Variants in RAB39A observed in about 807,000 individuals in gnomAD.
RAB39A encodes RAB39A, member RAS oncogene family.
A neutral mutation model predicts 20.9 loss-of-function variants in RAB39A; 17 were observed. The observed-to-expected ratio is 0.81, with a 90% CI of 0.56 to 1.22. The LOEUF (loss-of-function observed/expected upper bound fraction) is 1.22. RAB39A is among the 50% of genes most tolerant of loss of function. The pLI, the probability that RAB39A is intolerant of heterozygous loss-of-function variation, is 0.00. For missense variants in RAB39A, 234 were observed against 270.5 expected (o/e 0.87, Z 0.95); for synonymous variants, 99 against 103.4 (o/e 0.96, Z 0.26).
intron 1 of RAB39A, among the ~76,000 whole-genome samples, chr11:107,929,179 A>G (rs1015126263): frequency 1.3e-5 from 2 of 151,620 alleles, no homozygotes; most frequent in Non-Finnish European, 2.9e-5. Flanking sequence ...TGACCCGACC[A>G]CCCTCCTCCA....
intron 1 of RAB39A, among the ~76,000 whole-genome samples, chr11:107,938,417 G>A (rs1356397303): frequency 6.8e-6 from 1 of 147,582 alleles, no homozygotes; most frequent in Admixed American, 6.9e-5. Flanking sequence ...GTGCACCAGA[G>A]TGCCAAAAGA....
At chr11:107,944,107 A>AT (rs1053832662) in intron 1 of RAB39A, among the ~76,000 whole-genome samples, 18 of 151,720 alleles carry the variant, frequency 1.2e-4, no homozygotes, top group African/African-American at 1.7e-4. Context: ...AAAAAAAAAA[A>AT]AATAATAATA....
At chr11:107,933,842 G>A (rs1348038682) in intron 1 of RAB39A, among the ~76,000 whole-genome samples, 1 of 150,122 alleles carries the variant, frequency 6.7e-6, no homozygotes, top group Non-Finnish European at 1.5e-5. Context: ...TTTTAGTAGA[G>A]ACGAGGTTTC....
At position 107,946,412 on chromosome 11, in the gene RAB39A, G is replaced by A. The variant is rs1447971537; in HGVS notation, c.228-15534G>A. Among the ~76,000 whole-genome samples, 8 of 9,074 alleles carry A rather than the reference G, an allele frequency of 8.8e-4. 1 individual carries two copies. Among genetic ancestry groups the A allele is most frequent in the Non-Finnish European group, 2.3e-3 (7 of 3,100 alleles). The allele number at this position is 9,074 out of a possible 152,430, so 6.0% of individuals were successfully genotyped here. On this transcript the variant is annotated intron_variant, in intron 1 of 1. Coordinates refer to ENST00000320578, the MANE Select transcript of RAB39A (RefSeq NM_017516.3). ...GGTGTATATATGTGTGTGTGTGTGT[G>A]TGTGTGTGTGTGTGTGTGTGTGTGT...
chr11:107,939,882 G>T (rs1367187727), intron 1 of RAB39A, among the ~76,000 whole-genome samples: 1 of 152,166 alleles, frequency 6.6e-6, no homozygotes, highest in East Asian at 1.9e-4. Context: ...AAAAGTTAAA[G>T]ATATGGTTGT....
At chr11:107,938,354 C>A (rs1361186301) in intron 1 of RAB39A, among the ~76,000 whole-genome samples, 1 of 99,108 alleles carries the variant, frequency 1.0e-5, no homozygotes, top group Non-Finnish European at 2.0e-5. Flanking sequence ...AGCAAGACTC[C>A]GTCTCAAAAA....
intron 1 of RAB39A, among the ~76,000 whole-genome samples, chr11:107,954,987 CTTTTTTTTT>C (rs60838211): frequency 3.6e-5 from 2 of 54,860 alleles, no homozygotes; most frequent in Admixed American, 6.8e-4. Flanking sequence ...AGAAAGCATG[CTTTTTTTTT>C]TTTTTTTTTT....
At chr11:107,948,629 T>C (rs891728281) in intron 1 of RAB39A, among the ~76,000 whole-genome samples, 1 of 151,966 alleles carries the variant, frequency 6.6e-6, no homozygotes, top group African/African-American at 2.4e-5. Context: ...GCCTCCCAAG[T>C]AGCTGGGACT....
rs550738545 is a variant in RAB39A, at chr11:107,930,151, T to C, written c.227+1356T>C. Among the ~76,000 whole-genome samples, 10 of 152,324 alleles carry C rather than the reference T, an allele frequency of 6.6e-5. No individual in the cohort carries two copies. In the East Asian group the frequency reaches 1.9e-3, roughly 29 times the overall value. On this transcript the variant is annotated intron_variant, in intron 1 of 1. Transcript: ENST00000320578. ...TTTTCGTGTGTGTGAAGTGGAAAGA[T>C]GGTAAGGCCAGCGCTTCAGAGAGGT...
chr11:107,961,812 C>A, intron 1 of RAB39A, 134 bp from the exon 2 acceptor site: 1 of 752,794 alleles, frequency 1.3e-6, no homozygotes. Context: ...CTTGAGATAC[C>A]TCATATTTTA....
chr11:107,962,275 T>G lies in RAB39A; in HGVS notation c.557T>G (p.Ile186Ser). ...CTTATTAAAAAGGGAGAAATTTGTATTCAGGATGGCTGGGAAGGGGTTAAA... is the reference window on the plus strand; with the variant it reads ...CTTATTAAAAAGGGAGAAATTTGTAGTCAGGATGGCTGGGAAGGGGTTAAA... ...YELIKKGEIC[I>S]QDGWEGVKSG... Residue 186 changes from isoleucine to serine, a missense_variant, in exon 2 of 2, where the codon ATT becomes AGT. By Grantham distance (142) the Ile-to-Ser change is moderately radical. Transcript: ENST00000320578. 6.2e-7 allele frequency: 1 copy of G among 1,613,860 alleles called. No homozygotes were observed. The highest frequency in any genetic ancestry group is 8.5e-7 in the Non-Finnish European group (1 of 1,179,944).
chr11:107,952,829 G>A (rs1861394995), intron 1 of RAB39A, among the ~76,000 whole-genome samples: 1 of 152,224 alleles, frequency 6.6e-6, no homozygotes, highest in Non-Finnish European at 1.5e-5. Context: ...GTTGCAGTGA[G>A]CCGAGATCAC....
At position 107,963,052 on chromosome 11, in the gene RAB39A, C is replaced by T. The variant is rs1034948355; in HGVS notation, c.*680C>T. ...AAAATTAAAAACGGAGGACCGCTCACCAAATGTTTGAAATGTTGCTTTTTT... is the reference window on the plus strand; with the variant it reads ...AAAATTAAAAACGGAGGACCGCTCATCAAATGTTTGAAATGTTGCTTTTTT... On this transcript the variant is annotated 3_prime_UTR_variant, in exon 2 of 2. Transcript: ENST00000320578. 1 of 148,628 alleles carries T rather than the reference C, an allele frequency of 6.7e-6. No homozygotes were observed. Among genetic ancestry groups the T allele is most frequent in the African/African-American group, 2.5e-5 (1 of 40,128 alleles). The allele number at this position is 148,628 out of a possible 1,614,324, so 9.2% of individuals were successfully genotyped here.
chr11:107,948,119 G>GT (rs557367100), intron 1 of RAB39A, among the ~76,000 whole-genome samples: 80 of 152,184 alleles, frequency 5.3e-4, no homozygotes, highest in African/African-American at 1.9e-3. Flanking sequence ...CGTGTGTGCT[G>GT]CAGATACCAA....
At chr11:107,934,752 A>C (rs889999394) in intron 1 of RAB39A, among the ~76,000 whole-genome samples, 1 of 151,406 alleles carries the variant, frequency 6.6e-6, no homozygotes, top group African/African-American at 2.4e-5. Flanking sequence ...ACATGGTGAA[A>C]CCCCCATCTC....
chr11:107,950,050 G>A (rs926720309), intron 1 of RAB39A, among the ~76,000 whole-genome samples: 5 of 151,890 alleles, frequency 3.3e-5, no homozygotes, highest in African/African-American at 9.7e-5. Flanking sequence ...CGTGGTGGCC[G>A]GCCCCTGTAG....
intron 1 of RAB39A, among the ~76,000 whole-genome samples, chr11:107,930,722 G>T (rs1406014974): frequency 6.6e-6 from 1 of 151,924 alleles, no homozygotes; most frequent in Admixed American, 6.6e-5. Flanking sequence ...TGGGCATGGT[G>T]GTGTGTGCCC....
At position 107,962,335 on chromosome 11, in the gene RAB39A, A is replaced by T; in HGVS notation, c.617A>T (p.Glu206Val). ...GTTCCAAATACTGTGCATTCTTCTG[A>T]GGAAGCAGTAAAGCCCAGGAAAGAA... ...GFVPNTVHSSEEAVKPRKECF... is the reference protein window; with the variant it reads ...GFVPNTVHSSVEAVKPRKECF... The change falls in exon 2 of 2, where the codon GAG becomes GTG. Residue 206 changes from glutamate to valine, a missense_variant. Glu to Val is a moderately radical substitution (Grantham distance 121). Coordinates refer to ENST00000320578, the MANE Select transcript of RAB39A (RefSeq NM_017516.3). The T allele has an allele frequency of 1.2e-6, 2 of 1,610,486 alleles. No homozygotes were observed. The highest frequency in any genetic ancestry group is 1.7e-6 in the Non-Finnish European group (2 of 1,177,212).
chr11:107,938,136 G>C (rs776282341), intron 1 of RAB39A, among the ~76,000 whole-genome samples: 6 of 152,064 alleles, frequency 3.9e-5, no homozygotes, highest in Non-Finnish European at 5.9e-5. Context: ...GCCGAGCCGG[G>C]CGGATCACCT....
Sources: gnomAD v4.1 joint callset for allele counts (sites outside exome capture counted in the v4.1 genomes callset) on GRCh38, gnomAD v4.1.1 for gene constraint, MANE v1.5 for transcripts, NCBI Gene and HGNC (gene_info 2026-07-23, HGNC 2026-07-21) for gene names.